Variants in XXYLT1 observed in about 807,000 individuals in gnomAD.
XXYLT1 encodes UDP-xylose:alpha-xyloside alpha-1,3-xylosyltransferase.
In XXYLT1, 20 loss-of-function variants were observed where a neutral mutation model predicts 28.9. The observed-to-expected ratio is 0.69, with a 90% CI of 0.49 to 1.00. XXYLT1 has a LOEUF of 1.00. Among genes scored for constraint, XXYLT1 ranks in the 50% least tolerant of loss-of-function variants. The pLI is 0.00. For synonymous variants in XXYLT1, 257 were observed against 253.8 expected, an observed-to-expected ratio of 1.01 and a Z score of -0.12; for missense variants, 542 against 560.1, an observed-to-expected ratio of 0.97 and a Z score of 0.33.
intron 3 of XXYLT1, among the ~76,000 whole-genome samples, chr3:195,132,761 G>A (rs1013396856): frequency 6.6e-6 from 1 of 152,326 alleles, no homozygotes; most frequent in Non-Finnish European, 1.5e-5. Flanking sequence ...CCAGCAGACC[G>A]TAGTGAAGCA....
At chr3:195,158,450 C>T (rs1478611936) in intron 2 of XXYLT1, among the ~76,000 whole-genome samples, 1 of 152,244 alleles carries the variant, frequency 6.6e-6, no homozygotes, top group Admixed American at 6.5e-5. Context: ...TGAGCACTTC[C>T]CCTGCGCTTT....
intron 1 of XXYLT1, among the ~76,000 whole-genome samples, chr3:195,238,437 C>A (rs577937809): frequency 6.6e-6 from 1 of 152,230 alleles, no homozygotes; most frequent in Non-Finnish European, 1.5e-5. Context: ...GTTTCTCTAT[C>A]GGCTGCATGG....
At chr3:195,097,338 C>T (rs1716503983) in intron 3 of XXYLT1, among the ~76,000 whole-genome samples, 2 of 107,950 alleles carry the variant, frequency 1.9e-5, no homozygotes, top group Admixed American at 8.6e-5. Context: ...TTCATCCTCA[C>T]TAAACTTTGT....
chr3:195,185,067 AAAGGAAGGAAAGAAGGAAGAAGG>A (rs1432320563), intron 2 of XXYLT1, among the ~76,000 whole-genome samples: 5 of 136,608 alleles, frequency 3.7e-5, no homozygotes, highest in Admixed American at 7.3e-5. Context: ...ATTAAAGAAA[AAAGGAAGGAAAGAAGGAAGAAGG>A]AAGGAAGGAA....
In XXYLT1 at chr3:195,180,314, C is replaced by T. The variant is rs1007882049; in HGVS notation, c.653-23733G>A. On this transcript the variant is annotated intron_variant, in intron 2 of 3. Coordinates refer to ENST00000310380, the MANE Select transcript of XXYLT1 (RefSeq NM_152531.5). The surrounding 1 kb of genome is among the most constrained non-coding windows in gnomAD (Gnocchi z 5.8). The stretch of plus-strand genomic sequence containing the variant: ...TCCCTTCCATCCTGGGGACCCAACT[C>T]ATGAGGGCCCAGAAGGAAGGAGCCA... 4.1e-6 allele frequency: 4 copies of T among 985,432 alleles called. No homozygotes were observed. Among genetic ancestry groups the T allele is most frequent in the Non-Finnish European group, 4.8e-6 (4 of 829,930 alleles). The allele number at this position is 985,432 out of a possible 1,614,324, so 61.0% of individuals were successfully genotyped here. A position where few individuals can be genotyped will look rare whatever the true frequency, so the allele number is the denominator to read the frequency against.
intron 1 of XXYLT1, among the ~76,000 whole-genome samples, chr3:195,244,260 G>A (rs531006098): frequency 3.3e-5 from 5 of 152,300 alleles, no homozygotes; most frequent in South Asian, 4.1e-4. Flanking sequence ...GTGATGAAAC[G>A]TCACATGTCA....
At chr3:195,161,338 C>G (rs1005511915) in intron 2 of XXYLT1, among the ~76,000 whole-genome samples, 2 of 152,158 alleles carry the variant, frequency 1.3e-5, no homozygotes, top group South Asian at 2.1e-4. Context: ...CTGAGAAAAG[C>G]CTTCGGACAT....
At chr3:195,126,185 C>T (rs78986627) in intron 3 of XXYLT1, among the ~76,000 whole-genome samples, 2,329 of 152,244 alleles carry the variant, frequency 0.015, 56 homozygotes, top group African/African-American at 0.052. Context: ...CAGGTGAGGT[C>T]GAGAGGCCCA....
chr3:195,258,213 C>A (rs560747218), intron 1 of XXYLT1, among the ~76,000 whole-genome samples: 29 of 152,278 alleles, frequency 1.9e-4, no homozygotes, highest in African/African-American at 7.0e-4. Flanking sequence ...GCAACAGCCA[C>A]AGAGGGTGAG....
chr3:195,110,210 G>GTGTA (rs1717466270), intron 3 of XXYLT1, among the ~76,000 whole-genome samples: 3 of 15,374 alleles, frequency 2.0e-4, no homozygotes, highest in East Asian at 1.5e-3. Context: ...TGTGTGGTGT[G>GTGTA]TGCGTGTGTG....
chr3:195,247,444 C>G (rs545762171), intron 1 of XXYLT1, among the ~76,000 whole-genome samples: 1 of 152,252 alleles, frequency 6.6e-6, no homozygotes, highest in South Asian at 2.1e-4. Flanking sequence ...GATTCTGTCC[C>G]GCAGGCAGGA....
chr3:195,123,937 G>A (rs1337197442), intron 3 of XXYLT1, among the ~76,000 whole-genome samples: 1 of 152,288 alleles, frequency 6.6e-6, no homozygotes, highest in East Asian at 1.9e-4. Context: ...AGGAAAACAG[G>A]TATCATGTGA....
At chr3:195,156,731 C>T in intron 2 of XXYLT1, 150 bp from the exon 3 acceptor site, 1 of 1,035,840 alleles carries the variant, frequency 9.7e-7, no homozygotes, top group Non-Finnish European at 1.4e-6. Flanking sequence ...GAACAAAAGG[C>T]CTTTCATCTA....
intron 3 of XXYLT1, among the ~76,000 whole-genome samples, chr3:195,079,511 G>T (rs1434283721): frequency 3.9e-5 from 6 of 152,190 alleles, no homozygotes; most frequent in Non-Finnish European, 8.8e-5. Flanking sequence ...AGGCCCTGTT[G>T]TAAGTTCTTA....
At chr3:195,141,044 C>A (rs1719462489) in intron 3 of XXYLT1, among the ~76,000 whole-genome samples, 6 of 152,200 alleles carry the variant, frequency 3.9e-5, no homozygotes, top group Admixed American at 3.9e-4. Flanking sequence ...AGACGGCCAT[C>A]TGCAAACCAG....
At position 195,070,781 on chromosome 3, in the gene XXYLT1, TG is replaced by T. The variant is rs966235822; in HGVS notation, c.786-671del. Among the ~76,000 whole-genome samples the T allele has an allele frequency of 4.1e-4, 62 of 152,254 alleles. 1 individual carries two copies. The highest frequency in any genetic ancestry group is 1.4e-3 in the African/African-American group (60 of 41,552). The stretch of plus-strand genomic sequence containing the variant: ...CACTTCAGAAAGGCTGGGCAGGGGC[TG>T]GGGGCCTGCGACAGCCCAGGGCACA... On this transcript the variant is annotated intron_variant, in intron 3 of 3. Coordinates refer to ENST00000310380, the MANE Select transcript of XXYLT1 (RefSeq NM_152531.5).
rs141107957 is a variant in XXYLT1, at chr3:195,127,590, A to G, written c.785+28859T>C. ...CAGGAGTTCAAGACCAGCATGGGCA[A>G]CATACTGAGACCCTATCTCTACAAA... On this transcript the variant is annotated intron_variant, in intron 3 of 3. Transcript: ENST00000310380. Among the ~76,000 whole-genome samples, 1,174 of 152,280 alleles carry G rather than the reference A, an allele frequency of 7.7e-3. 8 individuals carry two copies. The highest frequency in any genetic ancestry group is 0.027 in the African/African-American group (1,127 of 41,554).
At chr3:195,113,976 G>C (rs1384713120) in intron 3 of XXYLT1, among the ~76,000 whole-genome samples, 1 of 152,244 alleles carries the variant, frequency 6.6e-6, no homozygotes, top group African/African-American at 2.4e-5. Flanking sequence ...TGCAAGCAAA[G>C]ATAAGCAGGT....
rs563942448 is a variant in XXYLT1, at chr3:195,266,676, T to A, written c.504+3879A>T. On this transcript the variant is annotated intron_variant, in intron 1 of 3. Transcript: ENST00000310380. ...ACGGAAGGTTACCCAGAGGACAGGA[T>A]GCCTGAACTGGGTCTTAGAGACCAG... Among the ~76,000 whole-genome samples the A allele has an allele frequency of 3.3e-5, 5 of 152,270 alleles. No individual in the cohort carries two copies. In the South Asian group the frequency reaches 8.3e-4, roughly 25 times the overall value.
Sources: gnomAD v4.1 joint callset for allele counts (sites outside exome capture counted in the v4.1 genomes callset) on GRCh38, gnomAD v4.1.1 for gene constraint, Gnocchi (gnomAD v3.1) non-coding constraint, MANE v1.5 for transcripts, NCBI Gene and HGNC (gene_info 2026-07-23, HGNC 2026-07-21) for gene names.